NUP98: variants seen among roughly 807,000 people sequenced by gnomAD.
NUP98 encodes nucleoporin 98 and 96 precursor, also known as nuclear pore complex protein Nup98-Nup96.
A neutral mutation model predicts 191.9 loss-of-function variants in NUP98; 26 were observed. That is an observed-to-expected ratio of 0.14 (90% CI 0.10 to 0.19). The LOEUF (loss-of-function observed/expected upper bound fraction) is 0.19, where lower values mean the gene tolerates loss of function less well. NUP98 is among the 10% of genes least tolerant of loss of function. The pLI, the probability that NUP98 is intolerant of heterozygous loss-of-function variation, is 1.00. For synonymous variants in NUP98, 808 were observed against 778.4 expected (o/e 1.04, Z -0.63); for missense variants, 1,941 against 2,178.8 (o/e 0.89, Z 2.17).
chr11:3,796,046 A>C (rs2082533979), intron 1 of NUP98, among the ~76,000 whole-genome samples: 1 of 152,212 alleles, frequency 6.6e-6, no homozygotes, highest in African/African-American at 2.4e-5. Context: ...TGGTTTTTAA[A>C]TACCCTAACT....
At position 3,702,701 on chromosome 11, in the gene NUP98, C is replaced by G. The variant is rs947765343; in HGVS notation, c.3274G>C (p.Val1092Leu). Residue 1092 changes from valine to leucine, a missense_variant, in exon 23 of 33, where the codon GTG becomes CTG. This residue lies in a region of NUP98 where 1,030 missense variants were observed against 1,115.8 expected (regional missense o/e 0.92). Coordinates refer to ENST00000324932, the MANE Select transcript of NUP98 (RefSeq NM_016320.5). ...SPAPEVPLKT[V>L]GTRRQLGLVP... ...AGGCCTAGTTGCCTACGTGTACCCACTGTTTTCAACGGAACCTCAGGGGCT... is the reference window on the plus strand; with the variant it reads ...AGGCCTAGTTGCCTACGTGTACCCAGTGTTTTCAACGGAACCTCAGGGGCT... 4 of 1,614,078 alleles carry G rather than the reference C, an allele frequency of 2.5e-6. No homozygotes were observed. In the South Asian group the frequency reaches 3.3e-5, roughly 13 times the overall value.
chr11:3,758,992 ACTAT>A (rs2081072607), intron 10 of NUP98, among the ~76,000 whole-genome samples: 2 of 152,192 alleles, frequency 1.3e-5, no homozygotes. Flanking sequence ...CTATCAATGA[ACTAT>A]CTACCTTCTT....
At chr11:3,731,150 G>C (rs566512935) in intron 14 of NUP98, among the ~76,000 whole-genome samples, 2 of 152,166 alleles carry the variant, frequency 1.3e-5, no homozygotes, top group Non-Finnish European at 2.9e-5. Flanking sequence ...TGTAATCCCA[G>C]CTACTCAGGA....
intron 28 of NUP98, among the ~76,000 whole-genome samples, chr11:3,688,803 A>G (rs1349780264): frequency 7.7e-6 from 1 of 129,702 alleles, no homozygotes; most frequent in Non-Finnish European, 1.6e-5. Flanking sequence ...GAAAATATAT[A>G]TATGTATTTA....
chr11:3,764,862 GC>G (rs2081287137), intron 8 of NUP98, among the ~76,000 whole-genome samples: 2 of 152,220 alleles, frequency 1.3e-5, no homozygotes. Flanking sequence ...AAAGGCGTGA[GC>G]CACCGCGCCC....
At chr11:3,727,273 C>T (rs1445653165) in intron 14 of NUP98, among the ~76,000 whole-genome samples, 2 of 152,162 alleles carry the variant, frequency 1.3e-5, no homozygotes, top group African/African-American at 4.8e-5. Context: ...CCGGGCAACA[C>T]AGGAAGACCT....
At chr11:3,730,673 T>C (rs2079810067) in intron 14 of NUP98, among the ~76,000 whole-genome samples, 1 of 152,038 alleles carries the variant, frequency 6.6e-6, no homozygotes, top group African/African-American at 2.4e-5. Context: ...CGGATTACTG[T>C]ATTTTTAGGG....
intron 19 of NUP98, among the ~76,000 whole-genome samples, chr11:3,713,319 C>T (rs974014947): frequency 1.3e-5 from 2 of 152,186 alleles, no homozygotes. Flanking sequence ...ACTTGAATCA[C>T]GAGCCCACAG....
At chr11:3,793,605 G>C (rs2016364506) in intron 1 of NUP98, among the ~76,000 whole-genome samples, 1 of 151,700 alleles carries the variant, frequency 6.6e-6, no homozygotes, top group African/African-American at 2.4e-5. Context: ...ATATTTTTAA[G>C]AATTTTTCTT....
intron 16 of NUP98, among the ~76,000 whole-genome samples, chr11:3,722,799 C>T (rs1368700860): frequency 6.6e-6 from 1 of 151,944 alleles, no homozygotes; most frequent in African/African-American, 2.4e-5. Flanking sequence ...GGCGACAGAG[C>T]GACACTGTCT....
chr11:3,685,349 G>A (rs1463792952), intron 29 of NUP98, among the ~76,000 whole-genome samples: 1 of 152,130 alleles, frequency 6.6e-6, no homozygotes, highest in Non-Finnish European at 1.5e-5. Context: ...GGAATGGGTC[G>A]GTGACAAGGG....
intron 8 of NUP98, among the ~76,000 whole-genome samples, chr11:3,764,016 A>T (rs561616974): frequency 6.6e-6 from 1 of 152,354 alleles, no homozygotes; most frequent in African/African-American, 2.4e-5. Flanking sequence ...CAAACATCAT[A>T]AAATTCACTC....
chr11:3,706,661 T>G (rs1253413595), intron 20 of NUP98, 34 bp from the exon 21 acceptor site: 1 of 1,565,016 alleles, frequency 6.4e-7, no homozygotes, highest in African/African-American at 1.4e-5. Context: ...AAAGCAGCAT[T>G]AAATTATACC....
intron 8 of NUP98, among the ~76,000 whole-genome samples, chr11:3,765,681 A>AC (rs2081312972): frequency 6.6e-6 from 1 of 151,878 alleles, no homozygotes; most frequent in African/African-American, 2.4e-5. Flanking sequence ...CACACCTGTA[A>AC]TCCCAGTTAC....
intron 29 of NUP98, 145 bp downstream of exon 29, chr11:3,685,828 T>TAA: frequency 1.5e-6 from 1 of 659,976 alleles, no homozygotes; most frequent in African/African-American, 1.8e-5. Context: ...GCTAAGGGTT[T>TAA]AACTATCTTG....
intron 29 of NUP98, among the ~76,000 whole-genome samples, chr11:3,685,280 C>G (rs2078103568): frequency 6.6e-6 from 1 of 152,134 alleles, no homozygotes; most frequent in African/African-American, 2.4e-5. Context: ...GACAGAGAAT[C>G]AAGACACATA....
At chr11:3,726,247 T>C (rs2079613262) in intron 14 of NUP98, among the ~76,000 whole-genome samples, 1 of 151,916 alleles carries the variant, frequency 6.6e-6, no homozygotes, top group Non-Finnish European at 1.5e-5. Flanking sequence ...AAAATTTACA[T>C]ATTTAAATGC....
chr11:3,712,196 G>T, intron 20 of NUP98: 1 of 1,073,546 alleles, frequency 9.3e-7, no homozygotes, highest in Non-Finnish European at 1.1e-6. Flanking sequence ...TAAAGAAAAA[G>T]ATTAAACTGC....
chr11:3,735,376 G>A, intron 12 of NUP98, 52 bp from the exon 13 acceptor site: 1 of 994,590 alleles, frequency 1.0e-6, no homozygotes, highest in Non-Finnish European at 1.3e-6. Context: ...ATAAATGCAA[G>A]GATACAATGC....
Sources: gnomAD v4.1 joint callset for allele counts (sites outside exome capture counted in the v4.1 genomes callset) on GRCh38, gnomAD v4.1.1 for gene constraint, gnomAD v4.1.1 regional missense constraint, MANE v1.5 for transcripts, NCBI Gene and HGNC (gene_info 2026-07-23, HGNC 2026-07-21) for gene names.